Variants in IL2RA observed in about 807,000 individuals in gnomAD.
IL2RA encodes the protein interleukin 2 receptor subunit alpha, also known as interleukin-2 receptor subunit alpha.
IL2RA carries 24 observed loss-of-function variants against 37.8 expected under a neutral mutation model. That is an observed-to-expected ratio of 0.63 (90% confidence interval 0.46 to 0.89). The LOEUF (loss-of-function observed/expected upper bound fraction) is 0.89, where lower values mean the gene tolerates loss of function less well. Ranked by LOEUF, IL2RA falls within the 40% of genes least tolerant of loss-of-function variation. The probability of loss-of-function intolerance (pLI) is 0.00; values close to 1 mark genes in which losing one functional copy is unlikely to be tolerated. For missense variants in IL2RA, 319 were observed against 348.6 expected (o/e 0.92, Z 0.68); for synonymous variants, 125 against 114.6 (o/e 1.09, Z -0.58).
intron 1 of IL2RA, among the ~76,000 whole-genome samples, chr10:6,051,276 C>T (rs535257958): frequency 6.6e-6 from 1 of 152,120 alleles, no homozygotes; most frequent in Non-Finnish European, 1.5e-5. Context: ...CGAGATGTCA[C>T]GCATGCAGCC....
intron 1 of IL2RA, among the ~76,000 whole-genome samples, chr10:6,061,044 C>T (rs757552037): frequency 7.9e-5 from 12 of 152,066 alleles, no homozygotes; most frequent in Non-Finnish European, 1.6e-4. Context: ...AATTCACACT[C>T]AATTAGGAAG....
In IL2RA at chr10:6,021,677, A is replaced by G. The variant is rs773687056; in HGVS notation, c.384T>C (p.Pro128=). The G allele has an allele frequency of 1.4e-5, 23 of 1,614,074 alleles. No homozygotes were observed. Among genetic ancestry groups the G allele is most frequent in the Non-Finnish European group, 1.9e-5 (23 of 1,179,990 alleles). The change falls in exon 4 of 8, where the codon CCT becomes CCC. Residue 128 remains proline (P), a synonymous_variant. Transcript: ENST00000379959. This position sits in a 1 kb window ranked among gnomAD's most constrained non-coding sequence, Gnocchi z 4.9. ...CTGTGGCTTCATTTTCCCATGGTGGAGGTTCCCTGCAGTGACCTGGAAGAT... is the reference window on the plus strand; with the variant it reads ...CTGTGGCTTCATTTTCCCATGGTGGGGGTTCCCTGCAGTGACCTGGAAGAT... ...QASLPGHCRE[P]PPWENEATER... is the part of the protein sequence containing the mutation.
chr10:6,018,782 T>C lies in IL2RA; in HGVS notation c.727+646A>G, dbSNP rs1839322593. Reference sequence around the variant, plus strand: ...ATTCTGAGTTACGTCAGTATCTGGATTAGTCTTTCACTCACACATTCTGCA... The same window carrying C: ...ATTCTGAGTTACGTCAGTATCTGGACTAGTCTTTCACTCACACATTCTGCA... On this transcript the variant is annotated intron_variant, in intron 6 of 7. Transcript: ENST00000379959. The surrounding 1 kb of genome is among the most constrained non-coding windows in gnomAD (Gnocchi z 5.1). 6.6e-6 allele frequency among the ~76,000 whole-genome samples: 1 copy of C among 152,112 alleles called. No individual in the cohort carries two copies. The highest frequency in any genetic ancestry group is 6.5e-5 in the Admixed American group (1 of 15,274).
Position 6,021,545 on chromosome 10 carries a change from G to T in IL2RA, c.516C>A (p.His172Gln). Residue 172 changes from histidine (H) to glutamine (Q), a missense_variant, in exon 4 of 8, where the codon CAC becomes CAA. Transcript: ENST00000379959. This position sits in a 1 kb window ranked among gnomAD's most constrained non-coding sequence, Gnocchi z 4.9. The part of the protein sequence containing the change: ...GPAESVCKMT[H>Q]GKTRWTQPQL... Reference sequence around the variant, plus strand: ...GGGGCTGGGTCCACCTTGTCTTCCCGTGGGTCATTTTGCAGACGCTCTCAG... The same window carrying T: ...GGGGCTGGGTCCACCTTGTCTTCCCTTGGGTCATTTTGCAGACGCTCTCAG... 1 of 1,614,030 alleles carries T rather than the reference G, an allele frequency of 6.2e-7. No homozygotes were observed. The highest frequency in any genetic ancestry group is 8.5e-7 in the Non-Finnish European group (1 of 1,180,006).
At chr10:6,053,558 T>A (rs533955619) in intron 1 of IL2RA, among the ~76,000 whole-genome samples, 2 of 152,366 alleles carry the variant, frequency 1.3e-5, no homozygotes, top group South Asian at 2.1e-4. Flanking sequence ...TTGCTCATTT[T>A]CTTACCAAAG....
chr10:6,019,840 C>T (rs1296649417), intron 5 of IL2RA, 30 bp downstream of exon 5: 1 of 1,606,996 alleles, frequency 6.2e-7, no homozygotes, highest in South Asian at 1.1e-5. Context: ...GACTAGGCCT[C>T]TGTGGTCCAG....
rs1401945084 is a variant in IL2RA at position 6,018,124 on chromosome 10, C to T, written c.728-5G>A. On this transcript the variant is annotated splice_polypyrimidine_tract_variant and splice_region_variant and intron_variant, in intron 6 of 7. Coordinates refer to ENST00000379959, the MANE Select transcript of IL2RA (RefSeq NM_000417.3). The surrounding 1 kb of genome is among the most constrained non-coding windows in gnomAD (Gnocchi z 5.1). ...GCAGGAAAACACAGCCGGCCACTGT[C>T]AATAGAGAGAGGGAGTTCAGCAAAG... 1 of 1,613,544 alleles carries T rather than the reference C, an allele frequency of 6.2e-7. No homozygotes were observed. The highest frequency in any genetic ancestry group is 8.5e-7 in the Non-Finnish European group (1 of 1,179,624).
intron 1 of IL2RA, among the ~76,000 whole-genome samples, chr10:6,038,745 TTTA>T (rs1485847178): frequency 6.6e-6 from 1 of 152,232 alleles, no homozygotes; most frequent in Non-Finnish European, 1.5e-5. Context: ...TCTAAGGTTA[TTTA>T]TTATTTGAGA....
At position 6,058,805 on chromosome 10, in the gene IL2RA, C is replaced by T. The variant is rs568915385; in HGVS notation, c.64+3283G>A. Among the ~76,000 whole-genome samples the T allele has an allele frequency of 2.6e-5, 4 of 152,126 alleles. No homozygotes were observed. Among genetic ancestry groups the T allele is most frequent in the East Asian group, 1.9e-4 (1 of 5,190 alleles). On this transcript the variant is annotated intron_variant, in intron 1 of 7. Coordinates refer to ENST00000379959, the MANE Select transcript of IL2RA (RefSeq NM_000417.3). This position sits in a 1 kb window ranked among gnomAD's most constrained non-coding sequence, Gnocchi z 4.2. ...GTTCTGAGAAAGGTGCCTTCAATAACGTGCCATATTGGTAATACCAGGAGA... is the reference window on the plus strand; with the variant it reads ...GTTCTGAGAAAGGTGCCTTCAATAATGTGCCATATTGGTAATACCAGGAGA...
intron 1 of IL2RA, among the ~76,000 whole-genome samples, chr10:6,031,903 T>C (rs1313008405): frequency 1.3e-5 from 2 of 152,148 alleles, no homozygotes; most frequent in Non-Finnish European, 2.9e-5. Context: ...AAGACAATCG[T>C]AAAGATGTAT....
In IL2RA at chr10:6,028,990, CAA is replaced by C. The variant is rs34303304; in HGVS notation, c.65-2967_65-2966del. Among the ~76,000 whole-genome samples, 805 of 109,990 alleles carry C rather than the reference CAA, an allele frequency of 7.3e-3. 4 individuals are homozygous for C. Among genetic ancestry groups the C allele is most frequent in the African/African-American group, 0.023 (698 of 30,030 alleles). The allele number at this position is 109,990 out of a possible 152,430, so 72.2% of individuals were successfully genotyped here. A position where few individuals can be genotyped will look rare whatever the true frequency, so the allele number is the denominator to read the frequency against. On this transcript the variant is annotated intron_variant, in intron 1 of 7. Transcript: ENST00000379959. This position sits in a 1 kb window ranked among gnomAD's most constrained non-coding sequence, Gnocchi z 4.1. ...TTACAGAGTGAGTGAGAGTCTGTCT[CAA>C]AAAAAAAAAAAAAAGACCCCTAAAA...
At position 6,018,103 on chromosome 10, in the gene IL2RA, G is replaced by A. The variant is rs1266743333; in HGVS notation, c.744C>T (p.Phe248=). 3 of 1,613,998 alleles carry A rather than the reference G, an allele frequency of 1.9e-6. No homozygotes were observed. The highest frequency in any genetic ancestry group is 1.7e-6 in the Non-Finnish European group (2 of 1,179,940). Residue 248 remains phenylalanine, a synonymous_variant, in exon 7 of 8, where the codon TTC becomes TTT. Coordinates refer to ENST00000379959, the MANE Select transcript of IL2RA (RefSeq NM_000417.3). This position sits in a 1 kb window ranked among gnomAD's most constrained non-coding sequence, Gnocchi z 5.1. ...EYQVAVAGCV[F]LLISVLLLSG... ...TCAGGAGGAGGACGCTGATCAGCAG[G>A]AAAACACAGCCGGCCACTGTCAATA...
At chr10:6,051,738 C>G (rs559002371) in intron 1 of IL2RA, among the ~76,000 whole-genome samples, 19 of 140,368 alleles carry the variant, frequency 1.4e-4, no homozygotes, top group African/African-American at 4.5e-4. Context: ...CAGCTGTTCT[C>G]GAACTCCTGA....
chr10:6,032,465 GGC>G (rs1839612052), intron 1 of IL2RA, among the ~76,000 whole-genome samples: 2 of 152,022 alleles, frequency 1.3e-5, no homozygotes, highest in Non-Finnish European at 2.9e-5. Context: ...GGCCGGGGCG[GGC>G]AGATCACAAG....
chr10:6,017,661 C>T (rs941066020), intron 7 of IL2RA, among the ~76,000 whole-genome samples: 5 of 147,868 alleles, frequency 3.4e-5, no homozygotes, highest in Non-Finnish European at 5.9e-5. Context: ...CTGCAACCTC[C>T]GCCTCCCAGG....
rs1228294667 is a variant in IL2RA, at chr10:6,020,956, C to T, written c.583+522G>A. Among the ~76,000 whole-genome samples the T allele has an allele frequency of 3.4e-5, 5 of 145,026 alleles. No individual in the cohort carries two copies. Among genetic ancestry groups the T allele is most frequent in the South Asian group, 4.3e-4 (2 of 4,618 alleles). On this transcript the variant is annotated intron_variant, in intron 4 of 7. Transcript: ENST00000379959. The surrounding 1 kb of genome is among the most constrained non-coding windows in gnomAD (Gnocchi z 5.6). ...ATGTGTGTGTGTGTGTGTGTGTGCG[C>T]GCATGTGCACTGAGTAAGTCCCGAC...
rs1360693914 is a variant in IL2RA at position 6,047,630 on chromosome 10, T to C, written c.64+14458A>G. 4.6e-5 allele frequency among the ~76,000 whole-genome samples: 7 copies of C among 151,014 alleles called. No homozygotes were observed. In the East Asian group the frequency reaches 1.4e-3, roughly 29 times the overall value. ...AACGTATCTATTATTTTATTAGACA[T>C]CACAATTCAAATACAATAAAGTATA... On this transcript the variant is annotated intron_variant, in intron 1 of 7. Transcript: ENST00000379959. The surrounding 1 kb of genome is among the most constrained non-coding windows in gnomAD (Gnocchi z 5.0).
At position 6,057,247 on chromosome 10, in the gene IL2RA, C is replaced by T. The variant is rs962381948; in HGVS notation, c.64+4841G>A. On this transcript the variant is annotated intron_variant, in intron 1 of 7. Coordinates refer to ENST00000379959, the MANE Select transcript of IL2RA (RefSeq NM_000417.3). The surrounding 1 kb of genome is among the most constrained non-coding windows in gnomAD (Gnocchi z 4.8). ...GAGAATTGAGTGAGTGGAGTTTTTG[C>T]GTTGACACCTGCAACTGCAGCAATT... 8.5e-5 allele frequency among the ~76,000 whole-genome samples: 13 copies of T among 152,120 alleles called. No individual in the cohort carries two copies. In the South Asian group the frequency reaches 1.0e-3, roughly 12 times the overall value.
At chr10:6,051,508 TATATA>T (rs879858707) in intron 1 of IL2RA, among the ~76,000 whole-genome samples, 4,650 of 113,160 alleles carry the variant, frequency 0.041, 103 homozygotes, top group South Asian at 0.057. Flanking sequence ...TATATATATA[TATATA>T]TATATTTTTT....
Sources: allele counts gnomAD v4.1 joint callset (sites outside exome capture counted in the v4.1 genomes callset), GRCh38; gene constraint gnomAD v4.1.1; non-coding constraint Gnocchi (gnomAD v3.1); transcripts MANE v1.5; gene names NCBI Gene and HGNC (gene_info 2026-07-23, HGNC 2026-07-21).